The following ATP10D variants were observed in gnomAD, a reference collection of about 807,000 sequenced individuals.
ATP10D encodes the protein ATPase phospholipid transporting 10D (putative).
Under a neutral mutation model 144.8 loss-of-function variants are expected in ATP10D, and 89 were observed. The observed-to-expected ratio is 0.61, with a 90% CI of 0.52 to 0.73. The LOEUF (loss-of-function observed/expected upper bound fraction) is 0.73, where lower values mean the gene tolerates loss of function less well. Among genes scored for constraint, ATP10D ranks in the 30% least tolerant of loss-of-function variants. ATP10D has a pLI of 0.00. For missense variants in ATP10D, 1,603 were observed against 1,714.8 expected (o/e 0.93, Z 1.15); for synonymous variants, 571 against 615.1 (o/e 0.93, Z 1.06).
intron 5 of ATP10D, among the ~76,000 whole-genome samples, chr4:47,532,811 T>C (rs1252633803): frequency 6.6e-6 from 1 of 152,188 alleles, no homozygotes; most frequent in African/African-American, 2.4e-5. Flanking sequence ...CTCTTACATG[T>C]TTCTACCTGT....
rs1167159200 is a variant in ATP10D, at chr4:47,557,748, T to C, written c.1909T>C (p.Ser637Pro). 1.2e-5 allele frequency: 20 copies of C among 1,614,190 alleles called. No homozygotes were observed. Among genetic ancestry groups the C allele is most frequent in the Non-Finnish European group, 1.7e-5 (20 of 1,180,034 alleles). Reference protein sequence around the residue: ...SLFQRWSVRRSSSPSLNSGKE... With the variant: ...SLFQRWSVRRPSSPSLNSGKE... ...TTTCCAGAGATGGTCTGTCCGAAGATCAAGTTCTCCATCGCTTAACAGTGG... is the reference window on the plus strand; with the variant it reads ...TTTCCAGAGATGGTCTGTCCGAAGACCAAGTTCTCCATCGCTTAACAGTGG... The change falls in exon 12 of 23, where the codon TCA (serine) becomes CCA (proline). Residue 637 changes from serine to proline, a missense_variant. Coordinates refer to ENST00000273859, the MANE Select transcript of ATP10D (RefSeq NM_020453.4).
At chr4:47,525,504 T>C in intron 4 of ATP10D, 53 bp from the exon 5 acceptor site, 1 of 1,246,558 alleles carries the variant, frequency 8.0e-7, no homozygotes, top group Non-Finnish European at 1.2e-6. Flanking sequence ...AACACTTCAA[T>C]ATTAAGGGTT....
In ATP10D at chr4:47,512,518, C is replaced by A. The variant is rs752554968; in HGVS notation, c.-23C>A. 17 of 1,592,846 alleles carry A rather than the reference C, an allele frequency of 1.1e-5. No homozygotes were observed. In the South Asian group the frequency reaches 1.4e-4, roughly 13 times the overall value. On this transcript the variant is annotated 5_prime_UTR_variant, in exon 2 of 23. In the 5' UTR this introduces an upstream ATG that the reference lacks. Coordinates refer to ENST00000273859, the MANE Select transcript of ATP10D (RefSeq NM_020453.4). ...TTGTTTGCCAGGTCAGCTACACAACCTGGATCTTACCACAGTTTGGATATG... is the reference window on the plus strand; with the variant it reads ...TTGTTTGCCAGGTCAGCTACACAACATGGATCTTACCACAGTTTGGATATG...
chr4:47,575,287 G>C (rs1720169874), intron 18 of ATP10D, among the ~76,000 whole-genome samples: 1 of 152,132 alleles, frequency 6.6e-6, no homozygotes, highest in South Asian at 2.1e-4. Context: ...TAAGTCCAAT[G>C]TCCTTTCCTG....
At position 47,554,771 on chromosome 4, in the gene ATP10D, C is replaced by G; in HGVS notation, c.1681C>G (p.Gln561Glu). ...CACCAGGCTTTTAGACAAATTTAGT[C>G]AGATTACACCTCGGCTCTTTATGCC... ...PDTRLLDKFS[Q>E]ITPRLFMPLD... Residue 561 changes from glutamine to glutamate, a missense_variant, in exon 11 of 23, where the codon CAG becomes GAG. Gln to Glu is a conservative substitution (Grantham distance 29). Transcript: ENST00000273859. 5.0e-6 allele frequency: 8 copies of G among 1,613,436 alleles called. No individual in the cohort carries two copies. Among genetic ancestry groups the G allele is most frequent in the Non-Finnish European group, 6.8e-6 (8 of 1,179,654 alleles).
At chr4:47,568,147 C>G (rs1327286814) in intron 15 of ATP10D, among the ~76,000 whole-genome samples, 2 of 152,170 alleles carry the variant, frequency 1.3e-5, no homozygotes, top group African/African-American at 4.8e-5. Context: ...AAAGAACTTC[C>G]TAACTAGTGT....
chr4:47,517,587 A>G (rs1039315644), intron 3 of ATP10D, among the ~76,000 whole-genome samples: 3 of 152,336 alleles, frequency 2.0e-5, no homozygotes, highest in East Asian at 3.9e-4. Context: ...TTATGAATGT[A>G]ATAATAAAAC....
In ATP10D at chr4:47,513,592, A is replaced by C. The variant is rs545732629; in HGVS notation, c.290+762A>C. Among the ~76,000 whole-genome samples the C allele has an allele frequency of 4.6e-5, 7 of 152,300 alleles. No homozygotes were observed. In the East Asian group the frequency reaches 9.6e-4, roughly 21 times the overall value. On this transcript the variant is annotated intron_variant, in intron 2 of 22. Coordinates refer to ENST00000273859, the MANE Select transcript of ATP10D (RefSeq NM_020453.4). ...TGTGAGCAAAGCATATTTCAGATGG[A>C]GGAAGGAGTATGAATAATGGCATAA...
intron 1 of ATP10D, among the ~76,000 whole-genome samples, chr4:47,497,091 T>C (rs1715426185): frequency 6.6e-6 from 1 of 152,046 alleles, no homozygotes; most frequent in African/African-American, 2.4e-5. Flanking sequence ...TCCTCCCACC[T>C]CGGCCTCCCG....
At chr4:47,493,617 A>G (rs1460665023) in intron 1 of ATP10D, among the ~76,000 whole-genome samples, 2 of 152,234 alleles carry the variant, frequency 1.3e-5, no homozygotes, top group Admixed American at 6.5e-5. Context: ...ATGAATGAGC[A>G]TCTGCATTCA....
chr4:47,491,291 G>T (rs947691899), intron 1 of ATP10D: 2 of 891,094 alleles, frequency 2.2e-6, no homozygotes, highest in Non-Finnish European at 3.7e-6. Context: ...TTTTGCCATG[G>T]TAACACTGGT....
rs746642007 is a variant in ATP10D at position 47,576,808 on chromosome 4, T to C, written c.3402T>C (p.Phe1134=). ...YVNLLFWYQF[F]CGFSGTSMTD... is the part of the protein sequence containing the mutation. ...ACCTCCTTTTCTGGTACCAGTTCTT[T>C]TGTGGATTTTCAGGAACATCCATGA... The change falls in exon 19 of 23, where the codon TTT becomes TTC. Residue 1134 remains phenylalanine, a synonymous_variant. Transcript: ENST00000273859. 1.9e-6 allele frequency: 3 copies of C among 1,614,166 alleles called. No individual in the cohort carries two copies. Among genetic ancestry groups the C allele is most frequent in the Non-Finnish European group, 2.5e-6 (3 of 1,180,014 alleles).
chr4:47,556,513 A>C (rs1197467307), intron 11 of ATP10D, among the ~76,000 whole-genome samples: 2 of 152,226 alleles, frequency 1.3e-5, no homozygotes, highest in Non-Finnish European at 2.9e-5. Context: ...TAAAGAATAT[A>C]ATATTCTACT....
At position 47,593,333 on chromosome 4, in the gene ATP10D, G is replaced by T. The variant is rs1577719770; in HGVS notation, c.*1952G>T. ...AAATTAGGCGTAAATTCTATGCCCT[G>T]AACAAATGTAAAGCTATTTATGTAC... On this transcript the variant is annotated 3_prime_UTR_variant, in exon 23 of 23. Transcript: ENST00000273859. The T allele has an allele frequency of 6.6e-6, 1 of 152,104 alleles. No homozygotes were observed. The highest frequency in any genetic ancestry group is 2.1e-4 in the South Asian group (1 of 4,822). The allele number at this position is 152,104 out of a possible 1,614,324, so 9.4% of individuals were successfully genotyped here. A position where few individuals can be genotyped will look rare whatever the true frequency, so the allele number is the denominator to read the frequency against.
At chr4:47,505,081 A>G (rs1009651304) in intron 1 of ATP10D, among the ~76,000 whole-genome samples, 5 of 152,224 alleles carry the variant, frequency 3.3e-5, no homozygotes, top group Non-Finnish European at 5.9e-5. Flanking sequence ...TGCAGAAAGA[A>G]TTAATCCTTA....
chr4:47,546,636 A>G lies in ATP10D; in HGVS notation c.1409A>G (p.Glu470Gly). The G allele has an allele frequency of 1.2e-6, 2 of 1,614,066 alleles. No homozygotes were observed. Among genetic ancestry groups the G allele is most frequent in the Non-Finnish European group, 1.7e-6 (2 of 1,179,916 alleles). Residue 470 changes from glutamate to glycine, a missense_variant, in exon 10 of 23, where the codon GAG becomes GGG. Coordinates refer to ENST00000273859, the MANE Select transcript of ATP10D (RefSeq NM_020453.4). ...TTTTATCCCACAGCCAGGAGGTTGG[A>G]GTCCTATCAGGAAGCTGTCTCTGAA... ...YCHEENARRL[E>G]SYQEAVSEDE...
intron 16 of ATP10D, among the ~76,000 whole-genome samples, chr4:47,569,994 T>C (rs1478944340): frequency 6.6e-6 from 1 of 152,150 alleles, no homozygotes; most frequent in Non-Finnish European, 1.5e-5. Flanking sequence ...CCAGATCACA[T>C]AGGGTCTTAG....
chr4:47,591,305 A>T lies in ATP10D; in HGVS notation c.4205A>T (p.Glu1402Val). 6.2e-7 allele frequency: 1 copy of T among 1,612,748 alleles called. No homozygotes were observed. Among genetic ancestry groups the T allele is most frequent in the Non-Finnish European group, 8.5e-7 (1 of 1,178,764 alleles). The change falls in exon 23 of 23, where the codon GAA becomes GTA. Residue 1402 changes from glutamate to valine, a missense_variant. Glu to Val is a moderately radical substitution (Grantham distance 121). Transcript: ENST00000273859. ...GAGCAAGGAAACTTATCTCTGTGTG[A>T]AACTGCTTTAGATCAAGGCTACTCT... is the stretch of plus-strand genomic sequence containing the variant. Reference protein sequence around the residue: ...AIEQGNLSLCETALDQGYSET... With the variant: ...AIEQGNLSLCVTALDQGYSET...
At chr4:47,526,096 C>T (rs973098330) in intron 5 of ATP10D, among the ~76,000 whole-genome samples, 1 of 152,156 alleles carries the variant, frequency 6.6e-6, no homozygotes, top group Non-Finnish European at 1.5e-5. Flanking sequence ...ATACCAAAAG[C>T]ATATAAAGAC....
Sources: allele counts gnomAD v4.1 joint callset (sites outside exome capture counted in the v4.1 genomes callset), GRCh38; gene constraint gnomAD v4.1.1; transcripts MANE v1.5; gene names NCBI Gene and HGNC (gene_info 2026-07-23, HGNC 2026-07-21).